Variants in HEBP2 observed in about 807,000 individuals in gnomAD.
HEBP2 encodes the protein heme-binding protein 2.
HEBP2 carries 27 observed loss-of-function variants against 23.1 expected under a neutral mutation model. The observed-to-expected ratio is 1.17, with a 90% CI of 0.86 to 1.61. The LOEUF is 1.61. Ranked by LOEUF, HEBP2 falls within the 40% of genes most tolerant of loss-of-function variation. The pLI is 0.00. For synonymous variants in HEBP2, 99 were observed against 95.1 expected, an observed-to-expected ratio of 1.04 and a Z score of -0.24; for missense variants, 245 against 253.8, an observed-to-expected ratio of 0.97 and a Z score of 0.24.
In HEBP2 at chr6:138,417,731, G is replaced by A. The variant is rs547110316; in HGVS notation, c.*4653G>A. On this transcript the variant is annotated 3_prime_UTR_variant, in exon 4 of 4. Transcript: ENST00000607197. ...AGACAGAGAGTGCTGTAGATCTGCAGTGGGTCCCCTGGAGTCCTTGGTTGA... is the reference window on the plus strand; with the variant it reads ...AGACAGAGAGTGCTGTAGATCTGCAATGGGTCCCCTGGAGTCCTTGGTTGA... 2 of 152,474 alleles carry A rather than the reference G, an allele frequency of 1.3e-5. No homozygotes were observed. The highest frequency in any genetic ancestry group is 1.3e-4 in the Admixed American group (2 of 15,302). The allele number at this position is 152,474 out of a possible 1,614,324, so 9.4% of individuals were successfully genotyped here.
intron 3 of HEBP2, among the ~76,000 whole-genome samples, chr6:138,411,767 A>G (rs1180803145): frequency 2.0e-5 from 3 of 152,184 alleles, no homozygotes; most frequent in Non-Finnish European, 4.4e-5. Context: ...AGACCAGCCT[A>G]GGTAACACAG....
intron 2 of HEBP2, 95 bp downstream of exon 2, chr6:138,405,375 G>C: frequency 6.8e-7 from 1 of 1,468,204 alleles, no homozygotes; most frequent in South Asian, 1.2e-5. Context: ...CCTTTATAAT[G>C]GAAAAATAAG....
intron 3 of HEBP2, among the ~76,000 whole-genome samples, chr6:138,408,794 C>T (rs1463799975): frequency 1.3e-5 from 2 of 152,184 alleles, no homozygotes; most frequent in Non-Finnish European, 2.9e-5. Context: ...CATTTCATAG[C>T]CGACTTGTTC....
chr6:138,404,214 G>A (rs1583100248), upstream of HEBP2: 1 of 300,426 alleles, frequency 3.3e-6, no homozygotes. Flanking sequence ...GCCGAAGCGA[G>A]GTGCGGCTCC....
rs541003858 is a variant in HEBP2, at chr6:138,407,736, A to T, written c.419+1585A>T. Among the ~76,000 whole-genome samples, 332 of 152,312 alleles carry T rather than the reference A, an allele frequency of 2.2e-3. 18 individuals carry two copies. In the South Asian group the frequency reaches 0.067, roughly 31 times the overall value. ...CATACCCAAGGCCCTGGGCAGCTCCATCCTTCAAGGTGGAGGTAGCCACAC... is the reference window on the plus strand; with the variant it reads ...CATACCCAAGGCCCTGGGCAGCTCCTTCCTTCAAGGTGGAGGTAGCCACAC... On this transcript the variant is annotated intron_variant, in intron 3 of 3. Transcript: ENST00000607197.
rs1179835831 is a variant in HEBP2 at position 138,411,030 on chromosome 6, G to A, written c.420-1850G>A. Among the ~76,000 whole-genome samples, 4 of 152,296 alleles carry A rather than the reference G, an allele frequency of 2.6e-5. 1 individual carries two copies. The highest frequency in any genetic ancestry group is 4.2e-4 in the South Asian group (2 of 4,814). ...AAAGAGATGACACCTCAGCTGAAGC[G>A]TGGTAGGATTGATTTTTTGCACTGG... On this transcript the variant is annotated intron_variant, in intron 3 of 3. Transcript: ENST00000607197.
chr6:138,421,252 C>G lies in HEBP2; in HGVS notation c.*8174C>G, dbSNP rs1774924108. On this transcript the variant is annotated 3_prime_UTR_variant, in exon 4 of 4. Transcript: ENST00000607197. Reference sequence around the variant, plus strand: ...CATGCAGGCTGAACCCCTACTACGGCAGAACCAAGAAAGCCACTCTTTCCC... The same window carrying G: ...CATGCAGGCTGAACCCCTACTACGGGAGAACCAAGAAAGCCACTCTTTCCC... The G allele has an allele frequency of 6.6e-6, 1 of 152,090 alleles. No individual in the cohort carries two copies. Among genetic ancestry groups the G allele is most frequent in the Admixed American group, 6.6e-5 (1 of 15,260 alleles). The allele number at this position is 152,090 out of a possible 1,614,324, so 9.4% of individuals were successfully genotyped here.
In HEBP2 at chr6:138,411,410, A is replaced by C. The variant is rs144140649; in HGVS notation, c.420-1470A>C. Among the ~76,000 whole-genome samples, 389 of 152,314 alleles carry C rather than the reference A, an allele frequency of 2.6e-3. 3 individuals carry two copies. The highest frequency in any genetic ancestry group is 8.9e-3 in the African/African-American group (372 of 41,566). On this transcript the variant is annotated intron_variant, in intron 3 of 3. Transcript: ENST00000607197. ...CACATTTCAGCTCAACATCCTTGGA[A>C]ATAACCTCAAAAGGCCTTAGGCTAA...
In HEBP2 at chr6:138,419,069, T is replaced by C. The variant is rs1774879864; in HGVS notation, c.*5991T>C. The C allele has an allele frequency of 6.6e-6, 1 of 151,464 alleles. No homozygotes were observed. Among genetic ancestry groups the C allele is most frequent in the African/African-American group, 2.4e-5 (1 of 41,230 alleles). The allele number at this position is 151,464 out of a possible 1,614,324, so 9.4% of individuals were successfully genotyped here. On this transcript the variant is annotated 3_prime_UTR_variant, in exon 4 of 4. Transcript: ENST00000607197. The stretch of plus-strand genomic sequence containing the variant: ...AGAGAAGAGGCACTAAACAACCAAG[T>C]AGATGAAATGACTTAGCCTGTTCTA...
In HEBP2 at chr6:138,421,814, T is replaced by C. The variant is rs928979223; in HGVS notation, c.*8736T>C. The stretch of plus-strand genomic sequence containing the variant: ...AGGTTATTCGTATTTTATTCCAAAG[T>C]CCATAGGACACGATGTGGACTTGTT... On this transcript the variant is annotated 3_prime_UTR_variant, in exon 4 of 4. Coordinates refer to ENST00000607197, the MANE Select transcript of HEBP2 (RefSeq NM_014320.3). 2.6e-5 allele frequency: 4 copies of C among 152,168 alleles called. No individual in the cohort carries two copies. Among genetic ancestry groups the C allele is most frequent in the Non-Finnish European group, 4.4e-5 (3 of 68,040 alleles). The allele number at this position is 152,168 out of a possible 1,614,324, so 9.4% of individuals were successfully genotyped here.
At position 138,417,503 on chromosome 6, in the gene HEBP2, A is replaced by T. The variant is rs907392574; in HGVS notation, c.*4425A>T. On this transcript the variant is annotated 3_prime_UTR_variant, in exon 4 of 4. Coordinates refer to ENST00000607197, the MANE Select transcript of HEBP2 (RefSeq NM_014320.3). ...TTTTCAGACACTGAAAGTTCATAGTACAGGACTGTGATCTCTGCGAGAAGG... is the reference window on the plus strand; with the variant it reads ...TTTTCAGACACTGAAAGTTCATAGTTCAGGACTGTGATCTCTGCGAGAAGG... The T allele has an allele frequency of 2.0e-5, 3 of 152,274 alleles. No individual in the cohort carries two copies. Among genetic ancestry groups the T allele is most frequent in the African/African-American group, 7.2e-5 (3 of 41,468 alleles). The allele number at this position is 152,274 out of a possible 1,614,324, so 9.4% of individuals were successfully genotyped here.
Position 138,405,217 on chromosome 6 carries a change from G to T in HEBP2, c.175G>T (p.Asp59Tyr), listed in dbSNP as rs377718366. The T allele has an allele frequency of 1.4e-5, 22 of 1,614,076 alleles. No homozygotes were observed. Among genetic ancestry groups the T allele is most frequent in the Non-Finnish European group, 1.6e-5 (19 of 1,180,014 alleles). ...CACGTCCGTGGAGTCTATGGACTGG[G>T]ATTCAGCCATCCAGACGGGCTTTAC... ...VSTSVESMDWDSAIQTGFTKL... is the reference protein window; with the variant it reads ...VSTSVESMDWYSAIQTGFTKL... Residue 59 changes from aspartate to tyrosine, a missense_variant, in exon 2 of 4, where the codon GAT becomes TAT. Physicochemically the swap from Asp to Tyr is radical, Grantham distance 160 (BLOSUM62 -3). Coordinates refer to ENST00000607197, the MANE Select transcript of HEBP2 (RefSeq NM_014320.3).
rs1442495677 is a variant in HEBP2 at position 138,411,643 on chromosome 6, T to G, written c.420-1237T>G. On this transcript the variant is annotated intron_variant, in intron 3 of 3. Coordinates refer to ENST00000607197, the MANE Select transcript of HEBP2 (RefSeq NM_014320.3). The stretch of plus-strand genomic sequence containing the variant: ...AGGTCCTCAACGCTCCCACAACACT[T>G]TGATCCTGTCCCTGTTTAAAACCCT... Among the ~76,000 whole-genome samples the G allele has an allele frequency of 2.0e-5, 3 of 152,298 alleles. No individual in the cohort carries two copies. In the Middle Eastern group the frequency reaches 0.01, roughly 518 times the overall value.
intron 3 of HEBP2, among the ~76,000 whole-genome samples, 189 bp downstream of exon 3, chr6:138,406,340 T>C (rs1382900310): frequency 6.6e-6 from 1 of 152,210 alleles, no homozygotes; most frequent in Non-Finnish European, 1.5e-5. Flanking sequence ...TAATAATCAC[T>C]TCATTTAATG....
At chr6:138,406,982 A>G (rs1774656988) in intron 3 of HEBP2, among the ~76,000 whole-genome samples, 1 of 152,142 alleles carries the variant, frequency 6.6e-6, no homozygotes, top group Non-Finnish European at 1.5e-5. Flanking sequence ...AGTGAGCCGT[A>G]ATTGCACCAA....
Position 138,417,526 on chromosome 6 carries a change from A to C in HEBP2, c.*4448A>C, listed in dbSNP as rs1427222950. 1 of 152,248 alleles carries C rather than the reference A, an allele frequency of 6.6e-6. No homozygotes were observed. Among genetic ancestry groups the C allele is most frequent in the African/African-American group, 2.4e-5 (1 of 41,458 alleles). 9.4% of individuals were successfully genotyped at this position (152,248 alleles called of 1,614,324 possible). A position where few individuals can be genotyped will look rare whatever the true frequency, so the allele number is the denominator to read the frequency against. ...GTACAGGACTGTGATCTCTGCGAGA[A>C]GGGGGAATAATGAGGTGAGTCCAGT... On this transcript the variant is annotated 3_prime_UTR_variant, in exon 4 of 4. Coordinates refer to ENST00000607197, the MANE Select transcript of HEBP2 (RefSeq NM_014320.3).
In HEBP2 at chr6:138,421,645, C is replaced by G. The variant is rs9484162; in HGVS notation, c.*8567C>G. 0.15 allele frequency: 23,487 copies of G among 152,050 alleles called. 2,299 individuals carry two copies. Among genetic ancestry groups the G allele is most frequent in the African/African-American group, 0.28 (11,656 of 41,424 alleles). The allele number at this position is 152,050 out of a possible 1,614,324, so 9.4% of individuals were successfully genotyped here. A position where few individuals can be genotyped will look rare whatever the true frequency, so the allele number is the denominator to read the frequency against. On this transcript the variant is annotated 3_prime_UTR_variant, in exon 4 of 4. Coordinates refer to ENST00000607197, the MANE Select transcript of HEBP2 (RefSeq NM_014320.3). Reference sequence around the variant, plus strand: ...TTTAAGATGCGGTCCATAACAGAAGCGGGCCCCAAGGAGTAGAGTAGCCAC... The same window carrying G: ...TTTAAGATGCGGTCCATAACAGAAGGGGGCCCCAAGGAGTAGAGTAGCCAC...
chr6:138,411,880 G>C (rs1214166702), intron 3 of HEBP2, among the ~76,000 whole-genome samples: 1 of 152,082 alleles, frequency 6.6e-6, no homozygotes, highest in East Asian at 1.9e-4. Flanking sequence ...GAGCCCAGGA[G>C]GTCAAGGATG....
At chr6:138,409,047 G>A (rs1346971669) in intron 3 of HEBP2, among the ~76,000 whole-genome samples, 1 of 151,150 alleles carries the variant, frequency 6.6e-6, no homozygotes, top group Admixed American at 6.6e-5. Flanking sequence ...TTTTTTCTGA[G>A]ACAGGGTCTC....
Sources: allele counts gnomAD v4.1 joint callset (sites outside exome capture counted in the v4.1 genomes callset), GRCh38; gene constraint gnomAD v4.1.1; transcripts MANE v1.5; gene names NCBI Gene and HGNC (gene_info 2026-07-23, HGNC 2026-07-21).